Variants in SPEG observed in about 807,000 individuals in gnomAD.
The protein encoded by SPEG is striated muscle enriched protein kinase.
A neutral mutation model predicts 300.4 loss-of-function variants in SPEG; 114 were observed. The ratio of observed to expected loss-of-function variants is 0.38; its 90% CI spans 0.33 to 0.44. The LOEUF is 0.44. Among genes scored for constraint, SPEG ranks in the 20% least tolerant of loss-of-function variants. The pLI is 1.00. For missense variants in SPEG, 4,201 were observed against 4,586.2 expected (o/e 0.92, Z 2.43); for synonymous variants, 1,964 against 2,018.9 (o/e 0.97, Z 0.73).
Position 219,469,228 on chromosome 2 carries a change from T to A in SPEG, c.3564T>A (p.Pro1188=), listed in dbSNP as rs10167209. Residue 1188 remains proline, a synonymous_variant, in exon 13 of 41, where the codon CCT becomes CCA. Transcript: ENST00000312358. The part of the protein sequence containing the change: ...EQGELERLSI[P]DFLRPLQDLE... ...GTGAGCTGGAGCGGCTGTCCATTCCTGACTTCCTGCGGCCACTGCAGGACC... is the reference window on the plus strand; with the variant it reads ...GTGAGCTGGAGCGGCTGTCCATTCCAGACTTCCTGCGGCCACTGCAGGACC... 1 of 1,613,920 alleles carries A rather than the reference T, an allele frequency of 6.2e-7. No individual in the cohort carries two copies. The highest frequency in any genetic ancestry group is 8.5e-7 in the Non-Finnish European group (1 of 1,180,008).
chr2:219,471,821 G>A, intron 13 of SPEG, 47 bp from the exon 14 acceptor site: 2 of 1,610,926 alleles, frequency 1.2e-6, no homozygotes, highest in Non-Finnish European at 1.7e-6. Context: ...TACCCCTCAA[G>A]GTATCCTCCG....
At position 219,485,488 on chromosome 2, in the gene SPEG, G is replaced by A; in HGVS notation, c.7741+11G>A. The A allele has an allele frequency of 1.3e-6, 2 of 1,549,862 alleles. No individual in the cohort carries two copies. Among genetic ancestry groups the A allele is most frequent in the South Asian group, 2.4e-5 (2 of 83,186 alleles). On this transcript the variant is annotated intron_variant, in intron 31 of 40. Coordinates refer to ENST00000312358, the MANE Select transcript of SPEG (RefSeq NM_005876.5). ...TGCGCAGTGAGTCAGGTAATAAGAGGCCTGCTGGGTGAGGACCCTCCTCCC... is the reference window on the plus strand; with the variant it reads ...TGCGCAGTGAGTCAGGTAATAAGAGACCTGCTGGGTGAGGACCCTCCTCCC...
intron 6 of SPEG, chr2:219,461,010 C>A: frequency 1.0e-6 from 1 of 981,662 alleles, no homozygotes; most frequent in Non-Finnish European, 1.2e-6. Context: ...AGTTGGGGTA[C>A]AGCCCTGCTG....
In SPEG at chr2:219,493,080, G is replaced by A. The variant is rs1038108000; in HGVS notation, c.*294G>A. ...AAGTGGAGAGGAAAAGGAATCGAGG[G>A]ACAGGAAGGGGGAGGCTCTAGGAAG... On this transcript the variant is annotated 3_prime_UTR_variant, in exon 41 of 41. Transcript: ENST00000312358. 2.9e-5 allele frequency: 19 copies of A among 649,594 alleles called. No individual in the cohort carries two copies. Among genetic ancestry groups the A allele is most frequent in the Non-Finnish European group, 5.1e-5 (18 of 351,744 alleles). 40.2% of individuals were successfully genotyped at this position (649,594 alleles called of 1,614,324 possible). A position where few individuals can be genotyped will look rare whatever the true frequency, so the allele number is the denominator to read the frequency against.
chr2:219,457,679 C>T (rs1690298784), intron 6 of SPEG, among the ~76,000 whole-genome samples: 2 of 152,208 alleles, frequency 1.3e-5, no homozygotes, highest in Admixed American at 1.3e-4. Flanking sequence ...CTACCATCTG[C>T]ACCCATAGGG....
chr2:219,482,952 C>G lies in SPEG; in HGVS notation c.5634+100C>G. ...CCTTCATCTCCTGCTCCTGTCTTCT[C>G]GCTTTCACTGGCTCCATGCCTAGCT... On this transcript the variant is annotated intron_variant, in intron 29 of 40. Coordinates refer to ENST00000312358, the MANE Select transcript of SPEG (RefSeq NM_005876.5). The G allele has an allele frequency of 4.2e-6, 6 of 1,414,348 alleles. No individual in the cohort carries two copies. In the South Asian group the frequency reaches 4.9e-5, roughly 11 times the overall value. The allele number at this position is 1,414,348 out of a possible 1,614,324, so 87.6% of individuals were successfully genotyped here. A position where few individuals can be genotyped will look rare whatever the true frequency, so the allele number is the denominator to read the frequency against.
chr2:219,451,713 G>A lies in SPEG; in HGVS notation c.2346G>A (p.Arg782=). The change falls in exon 6 of 41, where the codon AGG becomes AGA. Residue 782 remains arginine, a synonymous_variant. Coordinates refer to ENST00000312358, the MANE Select transcript of SPEG (RefSeq NM_005876.5). The surrounding 1 kb of genome is among the most constrained non-coding windows in gnomAD (Gnocchi z 6.4). ...AEGERHTLLL[R]EARAADAGSY... ...GTGAGCGGCACACCCTGCTGCTCAG[G>A]GAGGCCAGGGCAGCAGATGCCGGGA... is the stretch of plus-strand genomic sequence containing the variant. The A allele has an allele frequency of 6.4e-7, 1 of 1,567,972 alleles. No homozygotes were observed. The highest frequency in any genetic ancestry group is 8.6e-7 in the Non-Finnish European group (1 of 1,157,388).
Position 219,467,189 on chromosome 2 carries a change from G to C in SPEG, c.2897G>C (p.Arg966Pro). Residue 966 changes from arginine to proline, a missense_variant, in exon 10 of 41, where the codon CGG becomes CCG. Physicochemically the swap from Arg to Pro is moderately radical, Grantham distance 103 (BLOSUM62 -2). This residue lies in a region of SPEG where 1,047 missense variants were observed against 1,356.8 expected (regional missense o/e 0.77). Coordinates refer to ENST00000312358, the MANE Select transcript of SPEG (RefSeq NM_005876.5). ...TTCCCCTCAGCACACCCTGAAAGCC[G>C]GTCCCTGGCCGTGCTGGCCCCCCTG... ...RLEVRAHPES[R>P]SLAVLAPLQD... 1.3e-6 allele frequency: 2 copies of C among 1,583,192 alleles called. No homozygotes were observed. Among genetic ancestry groups the C allele is most frequent in the Non-Finnish European group, 1.7e-6 (2 of 1,165,790 alleles).
At chr2:219,463,540 A>T (rs1017254925) in intron 8 of SPEG, among the ~76,000 whole-genome samples, 1 of 150,352 alleles carries the variant, frequency 6.7e-6, no homozygotes, top group African/African-American at 2.4e-5. Context: ...CAGCCTCCTG[A>T]GTAGCTGGGA....
In SPEG at chr2:219,476,878, C is replaced by G. The variant is rs761361072; in HGVS notation, c.4456C>G (p.Arg1486Gly). The change falls in exon 19 of 41, where the codon CGG becomes GGG. Residue 1486 changes from arginine (R) to glycine (G), a missense_variant. Physicochemically the swap from Arg to Gly is moderately radical, Grantham distance 125 (BLOSUM62 -2). Transcript: ENST00000312358. The part of the protein sequence containing the change: ...SVTLELAEAP[R>G]FESIMEDVEV... ...ATCCCCATGTGTTTCAGAGGCCCCT[C>G]GGTTTGAGTCCATCATGGAGGACGT... is the stretch of plus-strand genomic sequence containing the variant. 1 of 1,613,508 alleles carries G rather than the reference C, an allele frequency of 6.2e-7. No homozygotes were observed. Among genetic ancestry groups the G allele is most frequent in the Non-Finnish European group, 8.5e-7 (1 of 1,179,762 alleles).
chr2:219,464,554 A>C lies in SPEG; in HGVS notation c.2827A>C (p.Lys943Gln), dbSNP rs754529942. The C allele has an allele frequency of 1.1e-5, 17 of 1,614,248 alleles. No individual in the cohort carries two copies. In the South Asian group the frequency reaches 1.8e-4, roughly 17 times the overall value. ...TGGCGATGCTGGTTTCTACACTTGC[A>C]AAGCGGTCAATGAGTATGGTGCTCG... ...ERGDAGFYTC[K>Q]AVNEYGARQC... Residue 943 changes from lysine to glutamine, a missense_variant, in exon 9 of 41, where the codon AAA becomes CAA. Physicochemically the swap from Lys to Gln is moderately conservative, Grantham distance 53 (BLOSUM62 1). Around this residue, in one of 4 missense-constraint regions of SPEG, gnomAD observed 1,047 missense variants for 1,356.8 expected, o/e 0.77. Transcript: ENST00000312358. This position sits in a 1 kb window ranked among gnomAD's most constrained non-coding sequence, Gnocchi z 4.5.
Position 219,443,826 on chromosome 2 carries a change from G to T in SPEG, c.389-827G>T. ...CAAGGATACCAGAACCACTGGGGCAGCTGGAATAACAAGCCCAAGTATGGG... is the reference window on the plus strand; with the variant it reads ...CAAGGATACCAGAACCACTGGGGCATCTGGAATAACAAGCCCAAGTATGGG... On this transcript the variant is annotated intron_variant, in intron 1 of 40. Transcript: ENST00000312358. The surrounding 1 kb of genome is among the most constrained non-coding windows in gnomAD (Gnocchi z 4.6). 1 of 384,312 alleles carries T rather than the reference G, an allele frequency of 2.6e-6. No homozygotes were observed. Among genetic ancestry groups the T allele is most frequent in the Non-Finnish European group, 5.2e-6 (1 of 192,208 alleles). 23.8% of individuals were successfully genotyped at this position (384,312 alleles called of 1,614,324 possible).
Position 219,484,803 on chromosome 2 carries a change from G to A in SPEG, c.7340G>A (p.Gly2447Asp). 6.7e-7 allele frequency: 1 copy of A among 1,482,462 alleles called. No homozygotes were observed. The highest frequency in any genetic ancestry group is 8.9e-7 in the Non-Finnish European group (1 of 1,126,090). The allele number at this position is 1,482,462 out of a possible 1,614,324, so 91.8% of individuals were successfully genotyped here. ...ESSEGGSSAR[G>D]SPVLAMRRRL... ...TCGGAGGGCGGGAGCTCGGCGCGGG[G>A]CTCCCCGGTGCTGGCGATGCGCAGG... Residue 2447 changes from glycine (G) to aspartate (D), a missense_variant, in exon 30 of 41, where the codon GGC (glycine) becomes GAC (aspartate). Gly to Asp is a moderately conservative substitution (Grantham distance 94). Coordinates refer to ENST00000312358, the MANE Select transcript of SPEG (RefSeq NM_005876.5).
Position 219,482,921 on chromosome 2 carries a change from C to T in SPEG, c.5634+69C>T, listed in dbSNP as rs370454772. On this transcript the variant is annotated intron_variant, in intron 29 of 40. Coordinates refer to ENST00000312358, the MANE Select transcript of SPEG (RefSeq NM_005876.5). ...TTCTCTAGCACTGCCTTCCCCCTCC[C>T]GTGGGCCTTCATCTCCTGCTCCTGT... The T allele has an allele frequency of 1.1e-4, 168 of 1,511,178 alleles. 1 individual carries two copies. The Middle Eastern group carries it at 3.1e-3, about 28-fold the overall frequency. 93.6% of individuals were successfully genotyped at this position (1,511,178 alleles called of 1,614,324 possible).
chr2:219,473,312 G>A lies in SPEG; in HGVS notation c.4148-192G>A. 2 of 751,932 alleles carry A rather than the reference G, an allele frequency of 2.7e-6. No homozygotes were observed. The highest frequency in any genetic ancestry group is 4.3e-6 in the Non-Finnish European group (2 of 466,878). 46.6% of individuals were successfully genotyped at this position (751,932 alleles called of 1,614,324 possible). ...AGGCTTTGGGATCGGGCCTGCTGGGGTCCAACCCCACAACCTCAGCTTTGC... is the reference window on the plus strand; with the variant it reads ...AGGCTTTGGGATCGGGCCTGCTGGGATCCAACCCCACAACCTCAGCTTTGC... On this transcript the variant is annotated intron_variant, in intron 16 of 40. Coordinates refer to ENST00000312358, the MANE Select transcript of SPEG (RefSeq NM_005876.5). This position sits in a 1 kb window ranked among gnomAD's most constrained non-coding sequence, Gnocchi z 4.6.
At position 219,443,166 on chromosome 2, in the gene SPEG, G is replaced by C. The variant is rs780881031; in HGVS notation, c.389-1487G>C. 15 of 1,612,310 alleles carry C rather than the reference G, an allele frequency of 9.3e-6. No individual in the cohort carries two copies. Among genetic ancestry groups the C allele is most frequent in the Middle Eastern group, 1.6e-4 (1 of 6,084 alleles). ...CTCACCCATGGTGCGTGGACCGTGG[G>C]CGTCCTTGCTCTAGCCCATGCCTAC... is the stretch of plus-strand genomic sequence containing the variant. On this transcript the variant is annotated intron_variant, in intron 1 of 40. Transcript: ENST00000312358. The surrounding 1 kb of genome is among the most constrained non-coding windows in gnomAD (Gnocchi z 4.6).
At position 219,464,472 on chromosome 2, in the gene SPEG, C is replaced by G. The variant is rs1353755859; in HGVS notation, c.2745C>G (p.Arg915=). The change falls in exon 9 of 41, where the codon CGC becomes CGG. Residue 915 remains arginine, a synonymous_variant. Coordinates refer to ENST00000312358, the MANE Select transcript of SPEG (RefSeq NM_005876.5). The surrounding 1 kb of genome is among the most constrained non-coding windows in gnomAD (Gnocchi z 4.5). ...NRQPVRPDQR[R]FAEEAEGGLC... ...AGCCCGTGCGCCCAGACCAGCGGCG[C>G]TTTGCGGAGGAGGCTGAGGGTGGGC... 6.2e-7 allele frequency: 1 copy of G among 1,613,468 alleles called. No individual in the cohort carries two copies. Among genetic ancestry groups the G allele is most frequent in the Non-Finnish European group, 8.5e-7 (1 of 1,180,020 alleles).
At position 219,451,271 on chromosome 2, in the gene SPEG, C is replaced by T. The variant is rs369405843; in HGVS notation, c.2249C>T (p.Pro750Leu). 9.0e-5 allele frequency: 144 copies of T among 1,608,104 alleles called. 1 individual carries two copies. In the Admixed American group the frequency reaches 1.7e-3, roughly 19 times the overall value. Residue 750 changes from proline (P) to leucine (L), a missense_variant, in exon 5 of 41, where the codon CCG becomes CTG. By Grantham distance (98) the Pro-to-Leu change is moderately conservative. This residue lies in a region of SPEG where 1,258 missense variants were observed against 1,293.9 expected (regional missense o/e 0.97). Coordinates refer to ENST00000312358, the MANE Select transcript of SPEG (RefSeq NM_005876.5). The surrounding 1 kb of genome is among the most constrained non-coding windows in gnomAD (Gnocchi z 6.4). Reference protein sequence around the residue: ...LLKCIITANPPPQVSWHKDGS... With the variant: ...LLKCIITANPLPQVSWHKDGS... The stretch of plus-strand genomic sequence containing the variant: ...AAGTGTATCATCACTGCCAACCCCC[C>T]GCCCCAAGGTGAGCTCCAGCACTGG...
At position 219,443,987 on chromosome 2, in the gene SPEG, A is replaced by C. The variant is rs748136746; in HGVS notation, c.389-666A>C. 6 of 1,359,250 alleles carry C rather than the reference A, an allele frequency of 4.4e-6. No individual in the cohort carries two copies. In the African/African-American group the frequency reaches 5.9e-5, roughly 13 times the overall value. 84.2% of individuals were successfully genotyped at this position (1,359,250 alleles called of 1,614,324 possible). Reference sequence around the variant, plus strand: ...CCTGCCCCACAAACGCTCTGATAACAGTCTGTCCCTGTCTCTCTCCTGCTG... The same window carrying C: ...CCTGCCCCACAAACGCTCTGATAACCGTCTGTCCCTGTCTCTCTCCTGCTG... On this transcript the variant is annotated intron_variant, in intron 1 of 40. Coordinates refer to ENST00000312358, the MANE Select transcript of SPEG (RefSeq NM_005876.5). The surrounding 1 kb of genome is among the most constrained non-coding windows in gnomAD (Gnocchi z 4.6).
Sources: gnomAD v4.1 joint callset for allele counts (sites outside exome capture counted in the v4.1 genomes callset) on GRCh38, gnomAD v4.1.1 for gene constraint, gnomAD v4.1.1 regional missense constraint, Gnocchi (gnomAD v3.1) non-coding constraint, MANE v1.5 for transcripts, NCBI Gene and HGNC (gene_info 2026-07-23, HGNC 2026-07-21) for gene names.